The following CTNNBIP1 variants were observed in gnomAD, a reference collection of about 807,000 sequenced individuals.
CTNNBIP1 encodes the protein catenin beta interacting protein 1.
CTNNBIP1 carries 7 observed loss-of-function variants against 11.8 expected under a neutral mutation model. The ratio of observed to expected loss-of-function variants is 0.60; its 90% CI spans 0.34 to 1.12. The LOEUF (loss-of-function observed/expected upper bound fraction) is 1.12. Ranked by LOEUF, CTNNBIP1 falls within the 50% of genes most tolerant of loss-of-function variation. CTNNBIP1 has a pLI of 0.03. For missense variants in CTNNBIP1, 101 were observed against 113.4 expected (o/e 0.89, Z 0.50); for synonymous variants, 58 against 43.9 (o/e 1.32, Z -1.26).
At chr1:9,881,288 G>A (rs993334645) in intron 2 of CTNNBIP1, among the ~76,000 whole-genome samples, 10 of 147,230 alleles carry the variant, frequency 6.8e-5, no homozygotes, top group African/African-American at 2.3e-4. Context: ...TCCCACCTCC[G>A]CCTCTTATTA....
intron 1 of CTNNBIP1, among the ~76,000 whole-genome samples, chr1:9,886,140 C>T (rs1045262870): frequency 4.8e-4 from 73 of 151,780 alleles, no homozygotes; most frequent in Admixed American, 2.0e-3. Flanking sequence ...CGCCTCTTCT[C>T]TCCCAGCTGC....
At chr1:9,855,570 T>C (rs1638483951) in intron 5 of CTNNBIP1, among the ~76,000 whole-genome samples, 1 of 152,144 alleles carries the variant, frequency 6.6e-6, no homozygotes, top group South Asian at 2.1e-4. Flanking sequence ...GACAACTGGA[T>C]ATTCACATGC....
At chr1:9,896,496 C>G (rs188032764) in intron 1 of CTNNBIP1, among the ~76,000 whole-genome samples, 1 of 152,062 alleles carries the variant, frequency 6.6e-6, no homozygotes, top group African/African-American at 2.4e-5. Flanking sequence ...GTCAGGAGTT[C>G]GAGAGTAGCC....
intron 5 of CTNNBIP1, among the ~76,000 whole-genome samples, chr1:9,864,435 T>G (rs1472594562): frequency 1.3e-5 from 2 of 152,300 alleles, no homozygotes; most frequent in East Asian, 1.9e-4. Flanking sequence ...TTCACGCCAT[T>G]CTCCTGCCTC....
At chr1:9,873,056 G>A (rs1345124765) in intron 3 of CTNNBIP1, among the ~76,000 whole-genome samples, 6 of 152,116 alleles carry the variant, frequency 3.9e-5, no homozygotes, top group Non-Finnish European at 8.8e-5. Context: ...CTGGACCAGC[G>A]GGCTTTCCCA....
intron 5 of CTNNBIP1, among the ~76,000 whole-genome samples, chr1:9,862,977 C>T (rs185201510): frequency 2.6e-5 from 4 of 152,324 alleles, no homozygotes; most frequent in Non-Finnish European, 2.9e-5. Flanking sequence ...TGTAGAGTCC[C>T]ACAAGGACTT....
intron 5 of CTNNBIP1, among the ~76,000 whole-genome samples, chr1:9,853,599 G>A (rs1638437068): frequency 6.6e-6 from 1 of 152,214 alleles, no homozygotes; most frequent in Admixed American, 6.5e-5. Context: ...GAGGGCAGCA[G>A]GCCAGCCCAC....
chr1:9,875,130 G>A (rs573719153), intron 3 of CTNNBIP1, among the ~76,000 whole-genome samples: 2 of 152,136 alleles, frequency 1.3e-5, no homozygotes, highest in Non-Finnish European at 2.9e-5. Context: ...CACCCGGTTC[G>A]AGCCGACCAG....
At chr1:9,882,690 T>G (rs1399895289) in intron 2 of CTNNBIP1, among the ~76,000 whole-genome samples, 2 of 151,612 alleles carry the variant, frequency 1.3e-5, no homozygotes, top group Non-Finnish European at 2.9e-5. Context: ...AGGCAGGGGC[T>G]TGGTTGGGTA....
intron 1 of CTNNBIP1, among the ~76,000 whole-genome samples, chr1:9,885,305 G>C (rs917781438): frequency 2.0e-5 from 3 of 152,102 alleles, no homozygotes; most frequent in African/African-American, 4.8e-5. Context: ...AATTTTGGGG[G>C]ACAATCACGA....
chr1:9,894,902 G>C (rs909871043), intron 1 of CTNNBIP1, among the ~76,000 whole-genome samples: 1 of 121,894 alleles, frequency 8.2e-6, no homozygotes, highest in Admixed American at 7.6e-5. Flanking sequence ...GCCATGCCTG[G>C]CTATTTTTTT....
intron 2 of CTNNBIP1, among the ~76,000 whole-genome samples, chr1:9,878,338 C>T (rs1639013154): frequency 1.3e-5 from 2 of 152,194 alleles, no homozygotes; most frequent in Admixed American, 6.5e-5. Context: ...GAATGCATCA[C>T]TCCAGGAAAG....
chr1:9,872,069 C>A lies in CTNNBIP1; in HGVS notation c.-5G>T, dbSNP rs766354924. On this transcript the variant is annotated 5_prime_UTR_variant, in exon 4 of 6. The change creates a new upstream start codon in the 5' untranslated region. Transcript: ENST00000377263. The surrounding 1 kb of genome is among the most constrained non-coding windows in gnomAD (Gnocchi z 4.0). ...GGGAGCTCCCTCGCGGTTCATCCCC[C>A]TGCCTGGCTCTGGGGACTCCTGCAG... is the stretch of plus-strand genomic sequence containing the variant. The A allele has an allele frequency of 3.7e-6, 6 of 1,612,052 alleles. No homozygotes were observed. Among genetic ancestry groups the A allele is most frequent in the Non-Finnish European group, 5.1e-6 (6 of 1,178,050 alleles).
chr1:9,867,550 G>C lies in CTNNBIP1; in HGVS notation c.187+3637C>G, dbSNP rs1638773042. ...CCAAGGTCGGGTGCTGTCCGTTGGAGGGTCTGCCTCAGACCCCCTGCTAGA... is the reference window on the plus strand; with the variant it reads ...CCAAGGTCGGGTGCTGTCCGTTGGACGGTCTGCCTCAGACCCCCTGCTAGA... On this transcript the variant is annotated intron_variant, in intron 5 of 5. Coordinates refer to ENST00000377263, the MANE Select transcript of CTNNBIP1 (RefSeq NM_020248.3). This position sits in a 1 kb window ranked among gnomAD's most constrained non-coding sequence, Gnocchi z 4.6. Among the ~76,000 whole-genome samples the C allele has an allele frequency of 1.3e-5, 2 of 152,210 alleles. 1 individual carries two copies. The highest frequency in any genetic ancestry group is 4.1e-4 in the South Asian group (2 of 4,832).
At chr1:9,900,447 C>T (rs756936501) in intron 1 of CTNNBIP1, among the ~76,000 whole-genome samples, 18 of 152,216 alleles carry the variant, frequency 1.2e-4, no homozygotes, top group Non-Finnish European at 2.2e-4. Flanking sequence ...CATCTGAGTG[C>T]TCTTGCCAGT....
At chr1:9,896,219 A>G (rs1639405288) in intron 1 of CTNNBIP1, among the ~76,000 whole-genome samples, 2 of 152,202 alleles carry the variant, frequency 1.3e-5, no homozygotes, top group South Asian at 4.1e-4. Flanking sequence ...CACTTTCACA[A>G]GAAATTATGT....
At chr1:9,901,887 G>A (rs993045372) in intron 1 of CTNNBIP1, among the ~76,000 whole-genome samples, 2 of 152,156 alleles carry the variant, frequency 1.3e-5, no homozygotes, top group African/African-American at 4.8e-5. Flanking sequence ...AAATAACATC[G>A]CACAAGGATA....
At chr1:9,857,142 CA>C (rs375543329) in intron 5 of CTNNBIP1, among the ~76,000 whole-genome samples, 3 of 148,770 alleles carry the variant, frequency 2.0e-5, no homozygotes, top group Admixed American at 6.7e-5. Flanking sequence ...CAAAACAAAA[CA>C]AAAAAAACCC....
intron 5 of CTNNBIP1, among the ~76,000 whole-genome samples, chr1:9,866,383 A>G (rs1557749689): frequency 6.6e-6 from 1 of 152,264 alleles, no homozygotes; most frequent in East Asian, 1.9e-4. Flanking sequence ...GGCAGTGGGG[A>G]GCCACTGAAT....
Sources: gnomAD v4.1 joint callset for allele counts (sites outside exome capture counted in the v4.1 genomes callset) on GRCh38, gnomAD v4.1.1 for gene constraint, Gnocchi (gnomAD v3.1) non-coding constraint, MANE v1.5 for transcripts, NCBI Gene and HGNC (gene_info 2026-07-23, HGNC 2026-07-21) for gene names.